Variants in FMN2 observed in about 807,000 individuals in gnomAD.
FMN2 encodes formin 2, also known as formin-2.
In FMN2, 51 loss-of-function variants were observed where a neutral mutation model predicts 142.3. That is an observed-to-expected ratio of 0.36 (90% confidence interval 0.29 to 0.45). The LOEUF (loss-of-function observed/expected upper bound fraction) is 0.45, where lower values mean the gene tolerates loss of function less well. Ranked by LOEUF, FMN2 falls within the 20% of genes least tolerant of loss-of-function variation. The pLI is 1.00. For synonymous variants in FMN2, 882 were observed against 869.8 expected, an observed-to-expected ratio of 1.01 and a Z score of -0.25; for missense variants, 1,936 against 2,122.8, an observed-to-expected ratio of 0.91 and a Z score of 1.73.
At chr1:240,337,203 C>CTTTTT (rs752506621) in intron 13 of FMN2, among the ~76,000 whole-genome samples, 335 of 89,366 alleles carry the variant, frequency 3.7e-3, no homozygotes, top group Middle Eastern at 9.6e-3. Flanking sequence ...TATTCCTTTT[C>CTTTTT]TTTTTTTTTT....
In FMN2 at chr1:240,207,370, G is replaced by A. The variant is rs1244577351; in HGVS notation, c.2558G>A (p.Cys853Tyr). The change falls in exon 5 of 18, where the codon TGT (cysteine) becomes TAT (tyrosine). Residue 853 changes from cysteine to tyrosine, a missense_variant. By Grantham distance (194) the Cys-to-Tyr change is radical. Coordinates refer to ENST00000319653, the MANE Select transcript of FMN2 (RefSeq NM_020066.5). ...GTTTCCTCTGCCTTTAAAAACAGCT[G>A]TAACATCCCATCTCCACCACCTCTG... ...HSVSSAFKNS[C>Y]NIPSPPPLPC... The A allele has an allele frequency of 6.2e-7, 1 of 1,613,618 alleles. No individual in the cohort carries two copies. The highest frequency in any genetic ancestry group is 2.2e-5 in the East Asian group (1 of 44,844).
At chr1:240,245,423 A>G in intron 6 of FMN2, 1 of 442,094 alleles carries the variant, frequency 2.3e-6, no homozygotes, top group Non-Finnish European at 4.7e-6. Context: ...AAGACAAGGA[A>G]GCATCAGTGG....
chr1:240,246,947 T>C (rs1668102714), intron 6 of FMN2, among the ~76,000 whole-genome samples: 1 of 152,212 alleles, frequency 6.6e-6, no homozygotes, highest in African/African-American at 2.4e-5. Flanking sequence ...CTCTTCATTG[T>C]ATTGTGGTCA....
At chr1:240,183,890 A>G (rs1402369885) in intron 3 of FMN2, among the ~76,000 whole-genome samples, 2 of 152,228 alleles carry the variant, frequency 1.3e-5, no homozygotes, top group African/African-American at 2.4e-5. Context: ...AAACTGGTAT[A>G]TACCATTAAA....
At chr1:240,474,080 T>A in intron 17 of FMN2, 48 bp from the exon 18 acceptor site, 1 of 1,510,198 alleles carries the variant, frequency 6.6e-7, no homozygotes, top group Non-Finnish European at 8.9e-7. Context: ...TTTCCATTTT[T>A]AAAAGTTCTT....
rs1265881218 is a variant in FMN2 at position 240,137,945 on chromosome 1, C to A, written c.1782+14600C>A. ...TCTCTACTACAAATACAAAAATTAG[C>A]CGGGTGCAGTCGTGTGCGCTGAGGC... On this transcript the variant is annotated intron_variant, in intron 2 of 17. Coordinates refer to ENST00000319653, the MANE Select transcript of FMN2 (RefSeq NM_020066.5). Among the ~76,000 whole-genome samples the A allele has an allele frequency of 2.0e-5, 3 of 151,352 alleles. No homozygotes were observed. In the East Asian group the frequency reaches 5.9e-4, roughly 30 times the overall value.
intron 4 of FMN2, among the ~76,000 whole-genome samples, chr1:240,201,794 C>G (rs1229782873): frequency 1.3e-5 from 2 of 151,992 alleles, no homozygotes; most frequent in Non-Finnish European, 2.9e-5. Context: ...TCAGTCAGAC[C>G]TTTTGCAGGA....
At chr1:240,393,367 T>C (rs778784611) in intron 15 of FMN2, among the ~76,000 whole-genome samples, 1 of 152,214 alleles carries the variant, frequency 6.6e-6, no homozygotes, top group Admixed American at 6.5e-5. Flanking sequence ...TATGTTACTA[T>C]TGTAATTGTT....
chr1:240,452,924 G>A (rs538963671), intron 16 of FMN2, among the ~76,000 whole-genome samples: 15 of 152,146 alleles, frequency 9.9e-5, no homozygotes, highest in East Asian at 3.9e-4. Context: ...TAATGTTTTC[G>A]TTTTACAAAG....
chr1:240,110,194 G>A (rs1661760494), intron 1 of FMN2, among the ~76,000 whole-genome samples: 1 of 152,188 alleles, frequency 6.6e-6, no homozygotes, highest in Non-Finnish European at 1.5e-5. Context: ...GGCTGAGTCA[G>A]AAGTAGAAGA....
chr1:240,197,949 G>A (rs1032321738), intron 4 of FMN2, among the ~76,000 whole-genome samples: 11 of 152,172 alleles, frequency 7.2e-5, no homozygotes, highest in South Asian at 2.1e-4. Flanking sequence ...GATTATAGGC[G>A]TGAGCCACTG....
intron 2 of FMN2, among the ~76,000 whole-genome samples, chr1:240,159,919 A>ATTTGTG (rs1664198208): frequency 7.8e-6 from 1 of 128,836 alleles, no homozygotes; most frequent in East Asian, 2.2e-4. Context: ...ATATATATAT[A>ATTTGTG]TATATATATA....
intron 2 of FMN2, among the ~76,000 whole-genome samples, chr1:240,175,276 G>A (rs1345949891): frequency 2.0e-5 from 3 of 152,164 alleles, no homozygotes; most frequent in African/African-American, 7.2e-5. Flanking sequence ...TTGTGAACAT[G>A]CTGTTATGAA....
chr1:240,460,421 G>A (rs555193779), intron 16 of FMN2, among the ~76,000 whole-genome samples: 1 of 152,134 alleles, frequency 6.6e-6, no homozygotes, highest in East Asian at 1.9e-4. Context: ...GTGAAACGCC[G>A]TCTCTACTAA....
At chr1:240,328,364 G>A (rs941912394) in intron 8 of FMN2, among the ~76,000 whole-genome samples, 5 of 151,122 alleles carry the variant, frequency 3.3e-5, no homozygotes, top group African/African-American at 1.2e-4. Flanking sequence ...CTTGACTTCT[G>A]AATAAGAAAT....
chr1:240,269,087 G>A (rs1668908166), intron 7 of FMN2, among the ~76,000 whole-genome samples: 1 of 151,802 alleles, frequency 6.6e-6, no homozygotes, highest in South Asian at 2.1e-4. Context: ...TACTTTCATT[G>A]CCTGTGCTTT....
chr1:240,109,775 G>A (rs1212075330), intron 1 of FMN2, among the ~76,000 whole-genome samples: 5 of 152,132 alleles, frequency 3.3e-5, no homozygotes, highest in Non-Finnish European at 1.5e-5. Context: ...TCTCCCTGCG[G>A]TATGTTGTCA....
At chr1:240,393,123 T>C (rs1347497776) in intron 15 of FMN2, among the ~76,000 whole-genome samples, 8 of 151,944 alleles carry the variant, frequency 5.3e-5, no homozygotes, top group African/African-American at 1.7e-4. Context: ...CACACAGGCA[T>C]ACCTCATTTT....
At chr1:240,454,513 G>A (rs1676173075) in intron 16 of FMN2, among the ~76,000 whole-genome samples, 1 of 152,158 alleles carries the variant, frequency 6.6e-6, no homozygotes, top group African/African-American at 2.4e-5. Context: ...CTGCACTTCA[G>A]CCTCGGTGAT....
Sources: allele counts gnomAD v4.1 joint callset (sites outside exome capture counted in the v4.1 genomes callset), GRCh38; gene constraint gnomAD v4.1.1; transcripts MANE v1.5; gene names NCBI Gene and HGNC (gene_info 2026-07-23, HGNC 2026-07-21).